RRM2: variants seen among roughly 807,000 people sequenced by gnomAD.
The protein encoded by RRM2 is ribonucleotide reductase regulatory subunit M2, also known as ribonucleoside-diphosphate reductase subunit M2.
A neutral mutation model predicts 45.9 loss-of-function variants in RRM2; 6 were observed. The observed-to-expected ratio is 0.13, with a 90% CI of 0.07 to 0.26. The LOEUF is 0.26. Among genes scored for constraint, RRM2 ranks in the 10% least tolerant of loss-of-function variants. The probability of loss-of-function intolerance (pLI) is 1.00; values close to 1 mark genes in which losing one functional copy is unlikely to be tolerated. For missense variants in RRM2, 343 were observed against 489.5 expected (o/e 0.70, Z 2.82); for synonymous variants, 177 against 173.0 (o/e 1.02, Z -0.18).
intron 3 of RRM2, among the ~76,000 whole-genome samples, chr2:10,142,784 G>C (rs545614201): frequency 6.6e-6 from 1 of 152,132 alleles, no homozygotes; most frequent in Non-Finnish European, 1.5e-5. Flanking sequence ...TCCCCTCACC[G>C]CAGCTCTCGG....
At chr2:10,123,697 TCTTC>T in intron 3 of RRM2, 35 bp from the exon 4 acceptor site, 3 of 1,442,352 alleles carry the variant, frequency 2.1e-6, no homozygotes, top group Non-Finnish European at 2.9e-6. Context: ...GGCTTTACTC[TCTTC>T]CTTTTATGCT....
intron 3 of RRM2, among the ~76,000 whole-genome samples, chr2:10,156,931 A>T (rs933913856): frequency 2.0e-5 from 3 of 151,782 alleles, no homozygotes; most frequent in Non-Finnish European, 2.9e-5. Flanking sequence ...GGCTTCAGCC[A>T]CAGTGCCCAG....
chr2:10,192,479 G>T (rs1458683498), intron 3 of RRM2: 1 of 154,494 alleles, frequency 6.5e-6, no homozygotes, highest in African/African-American at 2.4e-5. Context: ...CAGGACAGAG[G>T]TCTCTCTGCC....
intron 3 of RRM2, among the ~76,000 whole-genome samples, chr2:10,184,853 C>T (rs1277716456): frequency 6.6e-6 from 1 of 152,200 alleles, no homozygotes; most frequent in Non-Finnish European, 1.5e-5. Context: ...GAGGAGACTG[C>T]CTTAAGAAAG....
intron 3 of RRM2, among the ~76,000 whole-genome samples, chr2:10,166,898 CG>C (rs1228851030): frequency 7.2e-5 from 11 of 152,182 alleles, no homozygotes; most frequent in Admixed American, 5.9e-4. Flanking sequence ...GGGTTGGGAG[CG>C]TGGCAATGGG....
At chr2:10,138,141 C>T (rs1663022625), upstream of RRM2, among the ~76,000 whole-genome samples, 2 of 151,602 alleles carry the variant, frequency 1.3e-5, no homozygotes, top group Non-Finnish European at 2.9e-5. Flanking sequence ...GCTGGAATTA[C>T]AGGCTCCTGC....
At chr2:10,165,186 AGC>A (rs1317673515) in intron 3 of RRM2, among the ~76,000 whole-genome samples, 5 of 152,162 alleles carry the variant, frequency 3.3e-5, no homozygotes, top group African/African-American at 1.2e-4. Context: ...CCTGAGCTCA[AGC>A]AATCCGGCTG....
chr2:10,155,823 G>A (rs887481127), intron 3 of RRM2: 1 of 152,252 alleles, frequency 6.6e-6, no homozygotes, highest in African/African-American at 2.4e-5. Flanking sequence ...GCAGCGCTGA[G>A]TCAGGGTTAC....
chr2:10,202,324 A>T (rs902961910), intron 3 of RRM2, among the ~76,000 whole-genome samples: 1 of 152,228 alleles, frequency 6.6e-6, no homozygotes, highest in African/African-American at 2.4e-5. Context: ...GCATGTAAGG[A>T]CAGTGGCTTG....
At chr2:10,149,065 A>G (rs1663252266) in intron 3 of RRM2, among the ~76,000 whole-genome samples, 1 of 150,430 alleles carries the variant, frequency 6.6e-6, no homozygotes, top group Non-Finnish European at 1.5e-5. Flanking sequence ...CTCCAGTTTC[A>G]TGTTCCCCCT....
intron 3 of RRM2, among the ~76,000 whole-genome samples, chr2:10,187,254 T>C (rs554261980): frequency 1.8e-4 from 28 of 152,206 alleles, no homozygotes; most frequent in Non-Finnish European, 3.8e-4. Context: ...CTGAGGTTAA[T>C]TGTCCTTCTG....
Position 10,169,147 on chromosome 2 carries a change from A to ATTTTT in RRM2, n.482+26783_482+26787dup, listed in dbSNP as rs35438376. On this transcript the variant is annotated intron_variant and non_coding_transcript_variant, in intron 3 of 3. Transcript: ENST00000381786. This position sits in a 1 kb window ranked among gnomAD's most constrained non-coding sequence, Gnocchi z 5.1. ...GTCACCATGCCCAGCTACTTTTTGT[A>ATTTTT]TTTTTTTTTTTTTTTGTAGAGATGG... Among the ~76,000 whole-genome samples, 4 of 137,570 alleles carry ATTTTT rather than the reference A, an allele frequency of 2.9e-5. No homozygotes were observed. The highest frequency in any genetic ancestry group is 1.1e-4 in the African/African-American group (4 of 37,126). 90.3% of individuals were successfully genotyped at this position (137,570 alleles called of 152,430 possible).
intron 3 of RRM2, among the ~76,000 whole-genome samples, chr2:10,194,938 C>T (rs1221641590): frequency 3.3e-5 from 5 of 152,230 alleles, no homozygotes; most frequent in Admixed American, 1.3e-4. Flanking sequence ...CTAGACCTCT[C>T]GGCGTCTCCG....
chr2:10,164,954 G>T (rs1040705979), intron 3 of RRM2, among the ~76,000 whole-genome samples: 3 of 152,202 alleles, frequency 2.0e-5, no homozygotes, highest in Admixed American at 6.5e-5. Flanking sequence ...CTTGAATAAA[G>T]TGTTTTGAAT....
At chr2:10,203,175 G>A (rs1041173312) in intron 3 of RRM2, among the ~76,000 whole-genome samples, 1 of 152,220 alleles carries the variant, frequency 6.6e-6, no homozygotes, top group African/African-American at 2.4e-5. Flanking sequence ...GTACCAGGAA[G>A]CAGCTGTTTT....
chr2:10,168,179 T>C (rs1207082642), intron 3 of RRM2, among the ~76,000 whole-genome samples: 1 of 152,020 alleles, frequency 6.6e-6, no homozygotes, highest in African/African-American at 2.4e-5. Flanking sequence ...TTTTCCTTGC[T>C]GTATATGTGG....
chr2:10,193,825 A>T (rs948767804), intron 3 of RRM2, among the ~76,000 whole-genome samples: 11 of 152,198 alleles, frequency 7.2e-5, no homozygotes, highest in Non-Finnish European at 1.3e-4. Flanking sequence ...GGCCTCTGAG[A>T]GCAAGCATGA....
chr2:10,190,539 A>G (rs1430336698), intron 3 of RRM2, among the ~76,000 whole-genome samples: 1 of 133,868 alleles, frequency 7.5e-6, no homozygotes, highest in African/African-American at 3.0e-5. Flanking sequence ...GATGGTGTTG[A>G]TGGTGGTGGT....
intron 3 of RRM2, among the ~76,000 whole-genome samples, chr2:10,160,637 T>A (rs535878994): frequency 6.6e-6 from 1 of 152,306 alleles, no homozygotes; most frequent in East Asian, 1.9e-4. Flanking sequence ...CTCTCCCCTC[T>A]GCCTCTGCCC....
Sources: gnomAD v4.1 joint callset for allele counts (sites outside exome capture counted in the v4.1 genomes callset) on GRCh38, gnomAD v4.1.1 for gene constraint, Gnocchi (gnomAD v3.1) non-coding constraint, MANE v1.5 for transcripts, NCBI Gene and HGNC (gene_info 2026-07-23, HGNC 2026-07-21) for gene names.